FHIT: variants seen among roughly 807,000 people sequenced by gnomAD.
FHIT encodes the protein bis(5'-adenosyl)-triphosphatase.
In FHIT, 19 loss-of-function variants were observed where a neutral mutation model predicts 17.9. The ratio of observed to expected loss-of-function variants is 1.06; its 90% CI spans 0.74 to 1.56. The LOEUF (loss-of-function observed/expected upper bound fraction) is 1.56. Ranked by LOEUF, FHIT falls within the 40% of genes most tolerant of loss-of-function variation. The probability of loss-of-function intolerance (pLI) is 0.00; values close to 1 mark genes in which losing one functional copy is unlikely to be tolerated. For synonymous variants in FHIT, 81 were observed against 69.7 expected (o/e 1.16, Z -0.81); for missense variants, 248 against 189.2 (o/e 1.31, Z -1.82).
At chr3:61,080,990 C>T (rs2035119719) in intron 2 of FHIT, among the ~76,000 whole-genome samples, 1 of 152,158 alleles carries the variant, frequency 6.6e-6, no homozygotes, top group Non-Finnish European at 1.5e-5. Flanking sequence ...CCTCCCAGCT[C>T]ACAAGCCTGC....
intron 4 of FHIT, among the ~76,000 whole-genome samples, chr3:60,733,389 C>T (rs2042071919): frequency 6.6e-6 from 1 of 152,102 alleles, no homozygotes; most frequent in Non-Finnish European, 1.5e-5. Context: ...TATTTTATTT[C>T]TATATTCCTG....
rs111295020 is a variant in FHIT, at chr3:60,527,548, C to G, written c.103+9312G>C. Among the ~76,000 whole-genome samples the G allele has an allele frequency of 9.3e-3, 1,411 of 152,264 alleles. 10 individuals carry two copies. The highest frequency in any genetic ancestry group is 0.034 in the Middle Eastern group (10 of 294). Reference sequence around the variant, plus strand: ...TCTCAGAGCAAATTATGCGGCTAACCAAGCTAAACTGCCTGGCCCCATATA... The same window carrying G: ...TCTCAGAGCAAATTATGCGGCTAACGAAGCTAAACTGCCTGGCCCCATATA... On this transcript the variant is annotated intron_variant, in intron 5 of 9. Transcript: ENST00000492590.
At chr3:60,296,584 T>C (rs1708221853) in intron 5 of FHIT, among the ~76,000 whole-genome samples, 1 of 152,098 alleles carries the variant, frequency 6.6e-6, no homozygotes, top group Admixed American at 6.6e-5. Context: ...TTTTCAAATA[T>C]TTACTCCCAG....
At chr3:60,175,011 T>C (rs1316594009) in intron 5 of FHIT, among the ~76,000 whole-genome samples, 2 of 152,156 alleles carry the variant, frequency 1.3e-5, no homozygotes, top group Non-Finnish European at 2.9e-5. Flanking sequence ...TGGATAATGA[T>C]TAAACCACCA....
chr3:60,225,478 G>C (rs1245535973), intron 5 of FHIT, among the ~76,000 whole-genome samples: 1 of 152,142 alleles, frequency 6.6e-6, no homozygotes, highest in African/African-American at 2.4e-5. Flanking sequence ...GTATTATCTA[G>C]GTATAAATGT....
At chr3:60,621,434 C>T (rs1395318247) in intron 4 of FHIT, among the ~76,000 whole-genome samples, 1 of 152,074 alleles carries the variant, frequency 6.6e-6, no homozygotes, top group Non-Finnish European at 1.5e-5. Flanking sequence ...CAGCCACTAG[C>T]TACCGTGCCC....
At chr3:60,156,263 T>C (rs1372813350) in intron 5 of FHIT, among the ~76,000 whole-genome samples, 2 of 151,346 alleles carry the variant, frequency 1.3e-5, no homozygotes, top group Admixed American at 6.6e-5. Flanking sequence ...GGCAGGAGAG[T>C]TGCTTGAACC....
chr3:60,844,655 A>G (rs1702861143), intron 3 of FHIT, among the ~76,000 whole-genome samples: 1 of 152,202 alleles, frequency 6.6e-6, no homozygotes, highest in Admixed American at 6.5e-5. Flanking sequence ...TCTCATAAAA[A>G]TCACACTTTG....
intron 5 of FHIT, among the ~76,000 whole-genome samples, chr3:60,409,866 G>C (rs1702000908): frequency 6.6e-6 from 1 of 152,150 alleles, no homozygotes; most frequent in South Asian, 2.1e-4. Context: ...CTTTGAAGGA[G>C]CATGAGGAAT....
At chr3:60,441,783 A>C (rs1160335155) in intron 5 of FHIT, among the ~76,000 whole-genome samples, 17,417 of 23,862 alleles carry the variant, frequency 0.73, 6,471 homozygotes, top group Admixed American at 0.82. Flanking sequence ...TATGTATAAA[A>C]ATATATATAT....
At chr3:60,699,544 T>C (rs2041190852) in intron 4 of FHIT, among the ~76,000 whole-genome samples, 1 of 152,260 alleles carries the variant, frequency 6.6e-6, no homozygotes, top group South Asian at 2.1e-4. Flanking sequence ...CAAATGGTAA[T>C]TTGTAAAGTA....
At chr3:60,990,567 T>C (rs1319256962) in intron 3 of FHIT, among the ~76,000 whole-genome samples, 3 of 152,246 alleles carry the variant, frequency 2.0e-5, no homozygotes, top group Non-Finnish European at 4.4e-5. Flanking sequence ...CAGGAAACAG[T>C]GTCCCCATTC....
At chr3:60,632,142 G>T (rs891982718) in intron 4 of FHIT, among the ~76,000 whole-genome samples, 15 of 152,068 alleles carry the variant, frequency 9.9e-5, no homozygotes, top group African/African-American at 2.4e-4. Flanking sequence ...AAAAATGGGG[G>T]AAAATCATGA....
chr3:61,081,344 T>C (rs1012469270), intron 2 of FHIT, among the ~76,000 whole-genome samples: 3 of 152,108 alleles, frequency 2.0e-5, no homozygotes, highest in Non-Finnish European at 4.4e-5. Context: ...TTGTCAGCCC[T>C]CTCTGAAATG....
At chr3:60,746,324 G>C (rs1484490068) in intron 4 of FHIT, among the ~76,000 whole-genome samples, 1 of 152,172 alleles carries the variant, frequency 6.6e-6, no homozygotes, top group Non-Finnish European at 1.5e-5. Flanking sequence ...CAAGATTTGG[G>C]AGAGATAATT....
chr3:60,123,948 T>C (rs1705373517), intron 5 of FHIT, among the ~76,000 whole-genome samples: 1 of 125,242 alleles, frequency 8.0e-6, no homozygotes, highest in Non-Finnish European at 1.6e-5. Flanking sequence ...CTCACTTCCA[T>C]TAACAGAAAT....
chr3:59,881,540 C>T (rs1200990393), intron 8 of FHIT, among the ~76,000 whole-genome samples: 1 of 152,132 alleles, frequency 6.6e-6, no homozygotes, highest in African/African-American at 2.4e-5. Context: ...TGCACATACA[C>T]ATAAATGTTC....
At chr3:60,248,629 T>C (rs139854099) in intron 5 of FHIT, among the ~76,000 whole-genome samples, 157 of 152,282 alleles carry the variant, frequency 1.0e-3, no homozygotes, top group African/African-American at 3.6e-3. Flanking sequence ...AAAAATGATA[T>C]AGCCTACCAC....
intron 3 of FHIT, among the ~76,000 whole-genome samples, chr3:61,014,807 A>AAAAATATATAT (rs1553798839): frequency 2.0e-4 from 10 of 49,108 alleles, no homozygotes; most frequent in African/African-American, 4.9e-4. Context: ...AAAAAAAAAA[A>AAAAATATATAT]ATATATATAT....
Sources: gnomAD v4.1 joint callset for allele counts (sites outside exome capture counted in the v4.1 genomes callset) on GRCh38, gnomAD v4.1.1 for gene constraint, MANE v1.5 for transcripts, NCBI Gene and HGNC (gene_info 2026-07-23, HGNC 2026-07-21) for gene names.